Variants in RALA observed in about 807,000 individuals in gnomAD.
The protein encoded by RALA is RAS like proto-oncogene A.
A neutral mutation model predicts 24.0 loss-of-function variants in RALA; 5 were observed. The observed-to-expected ratio is 0.21, with a 90% CI of 0.11 to 0.44. RALA has a LOEUF of 0.44. Ranked by LOEUF, RALA falls within the 20% of genes least tolerant of loss-of-function variation. RALA has a pLI of 0.99. For missense variants in RALA, 95 were observed against 241.2 expected (o/e 0.39, Z 4.01); for synonymous variants, 77 against 83.8 (o/e 0.92, Z 0.44).
At chr7:39,692,798 C>T (rs1231815678) in intron 3 of RALA, among the ~76,000 whole-genome samples, 1 of 152,094 alleles carries the variant, frequency 6.6e-6, no homozygotes, top group Non-Finnish European at 1.5e-5. Context: ...CACATATGAC[C>T]AGAGGTGCTA....
At chr7:39,673,865 C>G (rs1017295154) in intron 1 of RALA, among the ~76,000 whole-genome samples, 3 of 151,838 alleles carry the variant, frequency 2.0e-5, no homozygotes, top group Non-Finnish European at 2.9e-5. Context: ...GAGGGTTGGC[C>G]AGACCTAGTG....
chr7:39,679,717 C>T (rs1388866602), intron 1 of RALA, among the ~76,000 whole-genome samples: 6 of 151,924 alleles, frequency 3.9e-5, no homozygotes, highest in Admixed American at 2.6e-4. Context: ...TTTTGCCATG[C>T]AGAATTTTTT....
chr7:39,675,574 T>C (rs1443488107), intron 1 of RALA, among the ~76,000 whole-genome samples: 2 of 151,866 alleles, frequency 1.3e-5, no homozygotes, highest in African/African-American at 2.4e-5. Flanking sequence ...CAAAATACTT[T>C]AAAAATTAGC....
At chr7:39,661,954 C>T (rs1792199576) in intron 1 of RALA, among the ~76,000 whole-genome samples, 1 of 152,198 alleles carries the variant, frequency 6.6e-6, no homozygotes, top group Middle Eastern at 3.2e-3. Context: ...GCAGAGGTTC[C>T]CAAACCTCAG....
rs1040090838 is a variant in RALA, at chr7:39,651,579, C to CT, written c.-38+27765dup. Among the ~76,000 whole-genome samples the CT allele has an allele frequency of 1.8e-3, 263 of 146,508 alleles. 1 individual carries two copies. The highest frequency in any genetic ancestry group is 7.0e-3 in the Middle Eastern group (2 of 284). ...TAAATATTTTTCCTTTTTCACTAAG[C>CT]TTTTTTTTTTTCCTGATTACAAAAG... On this transcript the variant is annotated intron_variant, in intron 1 of 4. Transcript: ENST00000005257.
chr7:39,689,772 C>A (rs1367325866), intron 2 of RALA, among the ~76,000 whole-genome samples: 1 of 152,180 alleles, frequency 6.6e-6, no homozygotes, highest in Non-Finnish European at 1.5e-5. Context: ...ACATACTTAT[C>A]ATCTGCCTGC....
intron 3 of RALA, among the ~76,000 whole-genome samples, chr7:39,690,830 C>T (rs1381780254): frequency 6.6e-6 from 1 of 152,202 alleles, no homozygotes; most frequent in Non-Finnish European, 1.5e-5. Flanking sequence ...GATTTTGTGA[C>T]AGCTTCAGTT....
chr7:39,673,148 C>G (rs1270344056), intron 1 of RALA, among the ~76,000 whole-genome samples: 1 of 151,882 alleles, frequency 6.6e-6, no homozygotes, highest in Admixed American at 6.6e-5. Flanking sequence ...AGATCGTGCC[C>G]CTGCTCTCCA....
chr7:39,697,261 C>A, intron 4 of RALA: 1 of 405,106 alleles, frequency 2.5e-6, no homozygotes, highest in Non-Finnish European at 4.9e-6. Context: ...GGGTACCTCC[C>A]AAGATGAAGA....
At chr7:39,685,436 G>C (rs1482774652) in intron 1 of RALA, among the ~76,000 whole-genome samples, 1 of 152,226 alleles carries the variant, frequency 6.6e-6, no homozygotes, top group Non-Finnish European at 1.5e-5. Flanking sequence ...TCCGAAACAA[G>C]TCAAAGAGTT....
At chr7:39,697,783 T>C (rs1792947915) in intron 4 of RALA, among the ~76,000 whole-genome samples, 1 of 152,166 alleles carries the variant, frequency 6.6e-6, no homozygotes, top group African/African-American at 2.4e-5. Context: ...TTGAGATTTG[T>C]TCTGTTATTT....
intron 1 of RALA, among the ~76,000 whole-genome samples, chr7:39,679,218 A>G (rs914922667): frequency 3.9e-5 from 6 of 152,130 alleles, no homozygotes; most frequent in Admixed American, 6.6e-5. Flanking sequence ...CTATTTCTCT[A>G]CACCACGGAT....
intron 1 of RALA, among the ~76,000 whole-genome samples, chr7:39,671,716 C>G (rs560054463): frequency 6.7e-6 from 1 of 149,200 alleles, no homozygotes; most frequent in South Asian, 2.1e-4. Flanking sequence ...GTTAAACCAT[C>G]TTTAAGCCAT....
chr7:39,706,297 T>TAAGC lies in RALA; in HGVS notation c.*54_*57dup. 1 of 1,539,852 alleles carries TAAGC rather than the reference T, an allele frequency of 6.5e-7. No homozygotes were observed. The highest frequency in any genetic ancestry group is 8.7e-7 in the Non-Finnish European group (1 of 1,146,096). On this transcript the variant is annotated 3_prime_UTR_variant, in exon 5 of 5. Coordinates refer to ENST00000005257, the MANE Select transcript of RALA (RefSeq NM_005402.4). The stretch of plus-strand genomic sequence containing the variant: ...TGACCATACTAATAAATATAATTTA[T>TAAGC]AAGCATTGCCATTGAAGGCTTAATT...
rs1333347825 is a variant in RALA at position 39,707,094 on chromosome 7, T to G, written c.*849T>G. The G allele has an allele frequency of 6.6e-6, 1 of 152,650 alleles. No individual in the cohort carries two copies. Among genetic ancestry groups the G allele is most frequent in the African/African-American group, 2.4e-5 (1 of 41,446 alleles). 9.5% of individuals were successfully genotyped at this position (152,650 alleles called of 1,614,324 possible). On this transcript the variant is annotated 3_prime_UTR_variant, in exon 5 of 5. Transcript: ENST00000005257. ...TAATAAACTGCAAGTTCATTTTAAATGAAGGGCCAGCATATATACTTGCAA... is the reference window on the plus strand; with the variant it reads ...TAATAAACTGCAAGTTCATTTTAAAGGAAGGGCCAGCATATATACTTGCAA...
chr7:39,644,421 T>C (rs992627978), intron 1 of RALA, among the ~76,000 whole-genome samples: 1 of 152,186 alleles, frequency 6.6e-6, no homozygotes, highest in Non-Finnish European at 1.5e-5. Context: ...TGGTCCACTT[T>C]CCCTGCTATC....
intron 1 of RALA, among the ~76,000 whole-genome samples, chr7:39,630,383 T>G (rs939951026): frequency 1.3e-5 from 2 of 152,130 alleles, no homozygotes; most frequent in Admixed American, 6.5e-5. Context: ...ACTTTCAGTC[T>G]TTTTTCCTCT....
chr7:39,632,756 C>T (rs958660448), intron 1 of RALA, among the ~76,000 whole-genome samples: 10 of 152,122 alleles, frequency 6.6e-5, no homozygotes, highest in Non-Finnish European at 1.2e-4. Context: ...GGGGAGGCTT[C>T]AATGAGCTGA....
chr7:39,635,814 G>A lies in RALA; in HGVS notation c.-38+11989G>A, dbSNP rs1467092942. Among the ~76,000 whole-genome samples, 3 of 152,186 alleles carry A rather than the reference G, an allele frequency of 2.0e-5. No individual in the cohort carries two copies. In the East Asian group the frequency reaches 5.8e-4, roughly 29 times the overall value. The stretch of plus-strand genomic sequence containing the variant: ...AGGTGGAGCTCAGGCAGTAATGCTT[G>A]CTCACCCTCCGCTCACCTCCTGCTG... On this transcript the variant is annotated intron_variant, in intron 1 of 4. Transcript: ENST00000005257.
Sources: allele counts gnomAD v4.1 joint callset (sites outside exome capture counted in the v4.1 genomes callset), GRCh38; gene constraint gnomAD v4.1.1; transcripts MANE v1.5; gene names NCBI Gene and HGNC (gene_info 2026-07-23, HGNC 2026-07-21).